Variants in TRPV2 observed in about 807,000 individuals in gnomAD.
TRPV2 encodes the protein OTRPC2.
Under a neutral mutation model 91.0 loss-of-function variants are expected in TRPV2, and 58 were observed. The ratio of observed to expected loss-of-function variants is 0.64; its 90% CI spans 0.52 to 0.79. The LOEUF (loss-of-function observed/expected upper bound fraction) is 0.79. TRPV2 is among the 30% of genes least tolerant of loss of function. The probability of loss-of-function intolerance (pLI) is 0.00; values close to 1 mark genes in which losing one functional copy is unlikely to be tolerated. For synonymous variants in TRPV2, 417 were observed against 414.8 expected (o/e 1.01, Z -0.06); for missense variants, 807 against 969.6 (o/e 0.83, Z 2.23).
Position 16,417,558 on chromosome 17 carries a change from G to T in TRPV2, c.-107-4G>T. The T allele has an allele frequency of 8.5e-7, 1 of 1,172,328 alleles. No homozygotes were observed. Among genetic ancestry groups the T allele is most frequent in the Middle Eastern group, 2.7e-4 (1 of 3,730 alleles). 72.6% of individuals were successfully genotyped at this position (1,172,328 alleles called of 1,614,324 possible). The stretch of plus-strand genomic sequence containing the variant: ...TTGCACTAACCTAATACCTCCTTTT[G>T]CAGGCTCCAGTCAGGCCAACACCGA... On this transcript the variant is annotated splice_polypyrimidine_tract_variant and splice_region_variant and intron_variant, in intron 1 of 14. Transcript: ENST00000338560.
chr17:16,431,275 ATATATATATATACATATTTTTTTT>A (rs1198262210), intron 10 of TRPV2, among the ~76,000 whole-genome samples: 2 of 74,800 alleles, frequency 2.7e-5, no homozygotes, highest in African/African-American at 5.9e-5. Context: ...ATATATATAT[ATATATATATATACATATTTTTTTT>A]TTTTTTTTTT....
In TRPV2 at chr17:16,427,450, A is replaced by G. The variant is rs1156847351; in HGVS notation, c.1253A>G (p.Gln418Arg). 9.9e-6 allele frequency: 16 copies of G among 1,613,562 alleles called. No homozygotes were observed. The highest frequency in any genetic ancestry group is 1.7e-5 in the Admixed American group (1 of 59,952). The change falls in exon 8 of 15, where the codon CAG (glutamine) becomes CGG (arginine). Residue 418 changes from glutamine (Q) to arginine (R), a missense_variant and splice_region_variant. Physicochemically the swap from Gln to Arg is conservative, Grantham distance 43 (BLOSUM62 1). Coordinates refer to ENST00000338560, the MANE Select transcript of TRPV2 (RefSeq NM_016113.5). The part of the protein sequence containing the change: ...VAYHQPTLKK[Q>R]AAPHLKAEVG... ...GGTCTCATCTGAGTGTGTCTTCAGC[A>G]GGCCGCCCCTCACCTGAAAGCGGAG...
At chr17:16,420,010 G>T in intron 2 of TRPV2, 105 bp from the exon 3 acceptor site, 2 of 1,482,192 alleles carry the variant, frequency 1.3e-6, no homozygotes, top group Non-Finnish European at 1.8e-6. Context: ...CCTGAGGGGT[G>T]TGCAGTGTGT....
intron 11 of TRPV2, 23 bp downstream of exon 11, chr17:16,431,873 TC>T (rs1346772841): frequency 1.5e-5 from 25 of 1,613,504 alleles, no homozygotes; most frequent in Non-Finnish European, 2.1e-5. Context: ...TCCGGCCCCC[TC>T]CCCCTTCCCC....
chr17:16,433,495 C>T, intron 12 of TRPV2, 79 bp from the exon 13 acceptor site: 1 of 1,573,226 alleles, frequency 6.4e-7, no homozygotes, highest in Non-Finnish European at 8.6e-7. Context: ...GCGGCACTTC[C>T]CTGCTCCGCT....
chr17:16,434,874 GCT>G lies in TRPV2; in HGVS notation c.2115-13_2115-12del. 16 of 1,610,090 alleles carry G rather than the reference GCT, an allele frequency of 9.9e-6. No homozygotes were observed. Among genetic ancestry groups the G allele is most frequent in the African/African-American group, 1.3e-5 (1 of 74,900 alleles). On this transcript the variant is annotated splice_polypyrimidine_tract_variant and intron_variant, in intron 13 of 14. Coordinates refer to ENST00000338560, the MANE Select transcript of TRPV2 (RefSeq NM_016113.5). ...GTCAAAGCAGGCAAACCTCAGAGCT[GCT>G]CTGTTGCCCTCAGGGTGGAGGAGGT...
intron 9 of TRPV2, 115 bp from the exon 10 acceptor site, chr17:16,428,702 A>G: frequency 8.3e-7 from 1 of 1,202,298 alleles, no homozygotes; most frequent in East Asian, 2.3e-5. Context: ...ACTGAGGCCC[A>G]CAGAGGTTAA....
At position 16,426,216 on chromosome 17, in the gene TRPV2, A is replaced by G. The variant is rs2093382382; in HGVS notation, c.1042A>G (p.Ser348Gly). 1.2e-6 allele frequency: 2 copies of G among 1,614,170 alleles called. No homozygotes were observed. The highest frequency in any genetic ancestry group is 1.7e-6 in the Non-Finnish European group (2 of 1,180,026). The change falls in exon 6 of 15, where the codon AGC (serine) becomes GGC (glycine). Residue 348 changes from serine to glycine, a missense_variant. Transcript: ENST00000338560. This position sits in a 1 kb window ranked among gnomAD's most constrained non-coding sequence, Gnocchi z 6.0. ...VSLYDLASVD[S>G]CEENSVLEII... is the part of the protein sequence containing the mutation. The stretch of plus-strand genomic sequence containing the variant: ...GCTGTATGACCTGGCTTCTGTGGAC[A>G]GCTGTGAGGAGAACTCAGTGCTGGA...
Position 16,426,396 on chromosome 17 carries a change from T to TC in TRPV2, c.1095+130dup. ...GTGCCAGTGGGGGTGTGGCTGCATG[T>TC]CCCAGCAGGCACGACCCTGACCATG... On this transcript the variant is annotated intron_variant, in intron 6 of 14. Coordinates refer to ENST00000338560, the MANE Select transcript of TRPV2 (RefSeq NM_016113.5). This position sits in a 1 kb window ranked among gnomAD's most constrained non-coding sequence, Gnocchi z 6.0. 1 of 1,216,314 alleles carries TC rather than the reference T, an allele frequency of 8.2e-7. No individual in the cohort carries two copies. The highest frequency in any genetic ancestry group is 2.5e-5 in the East Asian group (1 of 39,224). 75.3% of individuals were successfully genotyped at this position (1,216,314 alleles called of 1,614,324 possible). A position where few individuals can be genotyped will look rare whatever the true frequency, so the allele number is the denominator to read the frequency against.
Position 16,426,226 on chromosome 17 carries a change from A to C in TRPV2, c.1052A>C (p.Glu351Ala), listed in dbSNP as rs1298909475. ...CTGGCTTCTGTGGACAGCTGTGAGGAGAACTCAGTGCTGGAGATCATTGCC... is the reference window on the plus strand; with the variant it reads ...CTGGCTTCTGTGGACAGCTGTGAGGCGAACTCAGTGCTGGAGATCATTGCC... ...YDLASVDSCE[E>A]NSVLEIIAFH... Residue 351 changes from glutamate (E) to alanine (A), a missense_variant, in exon 6 of 15, where the codon GAG becomes GCG. By Grantham distance (107) the Glu-to-Ala change is moderately radical. Transcript: ENST00000338560. The surrounding 1 kb of genome is among the most constrained non-coding windows in gnomAD (Gnocchi z 6.0). 2 of 1,614,114 alleles carry C rather than the reference A, an allele frequency of 1.2e-6. No individual in the cohort carries two copies. The highest frequency in any genetic ancestry group is 4.5e-5 in the East Asian group (2 of 44,886).
In TRPV2 at chr17:16,426,284, G is replaced by C. The variant is rs898501264; in HGVS notation, c.1095+15G>C. ...GCAAGAGCCCGGTGAGCCCACAGGAGCATGGGTGCACGCAGAGGACCCAGC... is the reference window on the plus strand; with the variant it reads ...GCAAGAGCCCGGTGAGCCCACAGGACCATGGGTGCACGCAGAGGACCCAGC... On this transcript the variant is annotated intron_variant, in intron 6 of 14. Transcript: ENST00000338560. The surrounding 1 kb of genome is among the most constrained non-coding windows in gnomAD (Gnocchi z 6.0). 6.2e-7 allele frequency: 1 copy of C among 1,613,812 alleles called. No homozygotes were observed. Among genetic ancestry groups the C allele is most frequent in the Non-Finnish European group, 8.5e-7 (1 of 1,179,846 alleles).
At chr17:16,417,418 T>G (rs2093336194) in intron 1 of TRPV2, 144 bp from the exon 2 acceptor site, 2 of 390,820 alleles carry the variant, frequency 5.1e-6, no homozygotes, top group South Asian at 5.4e-5. Context: ...TTTTTGTATT[T>G]TTTTTAGTGG....
chr17:16,429,006 G>A (rs752845501), intron 10 of TRPV2, 24 bp downstream of exon 10: 8 of 1,612,766 alleles, frequency 5.0e-6, no homozygotes, highest in East Asian at 4.5e-5. Flanking sequence ...GTGGCCCACC[G>A]GGACTCTTTT....
Position 16,417,638 on chromosome 17 carries a change from T to C in TRPV2, c.-31T>C. Reference sequence around the variant, plus strand: ...GACATCTCCATCTGCACAGAGGTCCTGGCTGGACCGAGCAGCCTCCTCCTC... The same window carrying C: ...GACATCTCCATCTGCACAGAGGTCCCGGCTGGACCGAGCAGCCTCCTCCTC... On this transcript the variant is annotated 5_prime_UTR_variant, in exon 2 of 15. Coordinates refer to ENST00000338560, the MANE Select transcript of TRPV2 (RefSeq NM_016113.5). 1.2e-6 allele frequency: 2 copies of C among 1,611,964 alleles called. No homozygotes were observed. Among genetic ancestry groups the C allele is most frequent in the Non-Finnish European group, 1.7e-6 (2 of 1,178,506 alleles).
chr17:16,423,207 C>T (rs912925210), intron 4 of TRPV2, among the ~76,000 whole-genome samples: 2 of 152,256 alleles, frequency 1.3e-5, no homozygotes, highest in Non-Finnish European at 2.9e-5. Flanking sequence ...CACCCAGACC[C>T]AGACCCAGGG....
At chr17:16,423,403 G>A (rs1240738208) in intron 4 of TRPV2, 66 bp from the exon 5 acceptor site, 17 of 1,526,046 alleles carry the variant, frequency 1.1e-5, no homozygotes, top group Non-Finnish European at 1.5e-5. Flanking sequence ...TTTGTCCAAG[G>A]AGCATGAGGA....
chr17:16,416,508 T>C (rs368541318), intron 1 of TRPV2: 7 of 153,230 alleles, frequency 4.6e-5, no homozygotes, highest in African/African-American at 1.7e-4. Context: ...GATTGTGCTG[T>C]TTGCTGAGCT....
At chr17:16,424,170 T>G (rs918144131) in intron 5 of TRPV2, among the ~76,000 whole-genome samples, 14 of 151,464 alleles carry the variant, frequency 9.2e-5, no homozygotes, top group African/African-American at 2.9e-4. Context: ...TGTTTTTTTT[T>G]TTTTTGAGAC....
intron 13 of TRPV2, 150 bp from the exon 14 acceptor site, chr17:16,434,740 T>C: frequency 1.5e-6 from 1 of 669,854 alleles, no homozygotes; most frequent in Non-Finnish European, 2.5e-6. Context: ...CCCAGAACCC[T>C]GCAGAGAAAA....
Sources: gnomAD v4.1 joint callset for allele counts (sites outside exome capture counted in the v4.1 genomes callset) on GRCh38, gnomAD v4.1.1 for gene constraint, Gnocchi (gnomAD v3.1) non-coding constraint, MANE v1.5 for transcripts, NCBI Gene and HGNC (gene_info 2026-07-23, HGNC 2026-07-21) for gene names.